Variants in MYH7B observed in about 807,000 individuals in gnomAD.
MYH7B encodes the protein myosin heavy chain 7B.
A neutral mutation model predicts 234.5 loss-of-function variants in MYH7B; 205 were observed. The ratio of observed to expected loss-of-function variants is 0.87; its 90% CI spans 0.78 to 0.98. The LOEUF is 0.98. MYH7B is among the 50% of genes least tolerant of loss of function. MYH7B has a pLI of 0.00. For missense variants in MYH7B, 2,652 were observed against 2,633.4 expected, an observed-to-expected ratio of 1.01 and a Z score of -0.15; for synonymous variants, 1,193 against 1,105.0, an observed-to-expected ratio of 1.08 and a Z score of -1.58.
chr20:34,993,207 C>A lies in MYH7B; in HGVS notation c.2289C>A (p.Tyr763Ter). 1.2e-6 allele frequency: 2 copies of A among 1,613,946 alleles called. No homozygotes were observed. The highest frequency in any genetic ancestry group is 1.7e-4 in the Middle Eastern group (1 of 6,058). Residue 763 changes from tyrosine to a stop codon, truncating the protein, a stop_gained, in exon 25 of 45, where the codon TAC becomes TAA. Coordinates refer to ENST00000262873, the Ensembl canonical transcript of MYH7B. LOFTEE classifies it high-confidence loss of function. ...CGCTGGACTTGGATCACACCCAGTACCAGTTTGGCCACACCAAGGTCGGGG... is the reference window on the plus strand; with the variant it reads ...CGCTGGACTTGGATCACACCCAGTAACAGTTTGGCCACACCAAGGTCGGGG...
At chr20:34,965,092 G>C (rs897242257) in intron 2 of MYH7B, among the ~76,000 whole-genome samples, 1 of 152,152 alleles carries the variant, frequency 6.6e-6, no homozygotes, top group South Asian at 2.1e-4. Flanking sequence ...GAGTCTCACT[G>C]TGTTGTCTAG....
At position 34,993,442 on chromosome 20, in the gene MYH7B, C is replaced by T. The variant is rs554839634; in HGVS notation, c.2416C>T (p.Leu806Phe). 3.7e-6 allele frequency: 6 copies of T among 1,609,468 alleles called. No homozygotes were observed. In the South Asian group the frequency reaches 4.4e-5, roughly 12 times the overall value. Residue 806 changes from leucine to phenylalanine, a missense_variant, in exon 26 of 45, where the codon CTT becomes TTT. This residue lies in a region of MYH7B where 2,279 missense variants were observed against 2,211.4 expected (regional missense o/e 1.03). Transcript: ENST00000262873. Reference sequence around the variant, plus strand: ...GCGGAGCCGTGGCCGCCTCATGCGCCTTGAGTACCAGCGCCTGCTGGGAGG... The same window carrying T: ...GCGGAGCCGTGGCCGCCTCATGCGCTTTGAGTACCAGCGCCTGCTGGGAGG...
chr20:35,000,448 C>T, exon 39 of MYH7B: 2 of 1,601,978 alleles, frequency 1.2e-6, no homozygotes, highest in Non-Finnish European at 1.7e-6. Flanking sequence ...GCCACAGAGG[C>T]CCAGGCTGCC....
chr20:34,996,260 G>A lies in MYH7B; in HGVS notation c.2944-86G>A, dbSNP rs2082254015. 6.2e-6 allele frequency: 9 copies of A among 1,444,262 alleles called. No individual in the cohort carries two copies. In the South Asian group the frequency reaches 1.0e-4, roughly 16 times the overall value. The allele number at this position is 1,444,262 out of a possible 1,614,324, so 89.5% of individuals were successfully genotyped here. On this transcript the variant is annotated intron_variant, in intron 28 of 44. Transcript: ENST00000262873. ...CTTGCCTGAGTCCCATAGCTGGAAG[G>A]GGCACTTGCTCTGACCTGGTGTGGT...
Position 34,984,933 on chromosome 20 carries a change from A to T in MYH7B, c.728A>T (p.Asn243Ile), listed in dbSNP as rs377235475. The T allele has an allele frequency of 1.4e-5, 22 of 1,613,460 alleles. No homozygotes were observed. The African/African-American group carries it at 2.8e-4, about 21-fold the overall frequency. Residue 243 changes from asparagine to isoleucine, a missense_variant, in exon 12 of 45, where the codon AAC becomes ATC. Physicochemically the swap from Asn to Ile is moderately radical, Grantham distance 149 (BLOSUM62 -3). Transcript: ENST00000262873. The stretch of plus-strand genomic sequence containing the variant: ...AACGCCAAGACCCTGAGGAATGATA[A>T]CTCCTCCCGCTTTGTGAGTGGCTGA...
exon 39 of MYH7B, chr20:35,000,442 C>T: frequency 6.2e-7 from 1 of 1,601,922 alleles, no homozygotes; most frequent in East Asian, 2.2e-5. Context: ...CGTCAGGCCA[C>T]AGAGGCCCAG....
intron 35 of MYH7B, 21 bp downstream of exon 35, chr20:34,998,936 G>A (rs1343340193): frequency 6.2e-7 from 1 of 1,606,606 alleles, no homozygotes; most frequent in Non-Finnish European, 8.5e-7. Flanking sequence ...TGCTGGCCAG[G>A]CCACTGCCAT....
At chr20:34,968,685 A>C (rs932517991) in intron 2 of MYH7B, among the ~76,000 whole-genome samples, 1 of 152,200 alleles carries the variant, frequency 6.6e-6, no homozygotes, top group East Asian at 1.9e-4. Context: ...CTGGGGGTAC[A>C]TCTTCTACCC....
intron 32 of MYH7B, among the ~76,000 whole-genome samples, chr20:34,997,932 CT>C (rs2082294722): frequency 6.6e-6 from 1 of 152,184 alleles, no homozygotes; most frequent in South Asian, 2.1e-4. Flanking sequence ...TGAACTCTGA[CT>C]TAATACCTGT....
rs1391608790 is a variant in MYH7B, at chr20:35,001,418, C to T, written c.5581-13C>T. The T allele has an allele frequency of 6.3e-7, 1 of 1,595,446 alleles. No individual in the cohort carries two copies. Among genetic ancestry groups the T allele is most frequent in the South Asian group, 1.1e-5 (1 of 88,742 alleles). On this transcript the variant is annotated splice_polypyrimidine_tract_variant and intron_variant, in intron 42 of 44. Transcript: ENST00000262873. ...CAGCCCAAGCAAGCCCTGAGTCCCC[C>T]TTGCCCGCCCAGGCCGAGGAGGACA... is the stretch of plus-strand genomic sequence containing the variant.
exon 35 of MYH7B, chr20:34,998,776 C>T (rs1444587955): frequency 4.3e-6 from 7 of 1,612,928 alleles, no homozygotes; most frequent in East Asian, 2.2e-5. Flanking sequence ...TGACCTCCTG[C>T]GGGAGCAACA....
rs367589646 is a variant in MYH7B, at chr20:34,995,471, C to T, written c.2836C>T (p.Arg946Cys). ...GGAGGTGAACGCTGACCTGGCCGCC[C>T]GCCGGCGCAAGCTGGAGGACGAGTG... Residue 946 changes from arginine (R) to cysteine (C), a missense_variant, in exon 28 of 45, where the codon CGC becomes TGC. Coordinates refer to ENST00000262873, the Ensembl canonical transcript of MYH7B. The T allele has an allele frequency of 3.2e-5, 52 of 1,613,904 alleles. No homozygotes were observed. The highest frequency in any genetic ancestry group is 4.0e-5 in the Non-Finnish European group (47 of 1,179,976).
At chr20:34,980,218 G>GGCCTGGT in intron 7 of MYH7B, 1 of 325,268 alleles carries the variant, frequency 3.1e-6, no homozygotes, top group Non-Finnish European at 5.8e-6. Flanking sequence ...TGGGGCCTGG[G>GGCCTGGT]GCCTGGGGAT....
At chr20:35,001,382 T>C (rs999910055) in intron 42 of MYH7B, 33 bp downstream of exon 42, 1 of 1,596,502 alleles carries the variant, frequency 6.3e-7, no homozygotes, top group Non-Finnish European at 8.5e-7. Context: ...GGAGTGGCCC[T>C]GGAGCTGGCC....
At position 34,999,879 on chromosome 20, in the gene MYH7B, A is replaced by G. The variant is rs376984354; in HGVS notation, c.4754A>G (p.Glu1585Gly). Residue 1585 changes from glutamate (E) to glycine (G), a missense_variant, in exon 38 of 45, where the codon GAG (glutamate) becomes GGG (glycine). Coordinates refer to ENST00000262873, the Ensembl canonical transcript of MYH7B. Reference sequence around the variant, plus strand: ...GCAGAAGTGGACCGGAAGCTGGCAGAGAAAGACGAGGAGTGCGCTAACCTG... The same window carrying G: ...GCAGAAGTGGACCGGAAGCTGGCAGGGAAAGACGAGGAGTGCGCTAACCTG... The G allele has an allele frequency of 3.7e-6, 6 of 1,613,660 alleles. No individual in the cohort carries two copies. In the African/African-American group the frequency reaches 8.0e-5, roughly 22 times the overall value.
intron 24 of MYH7B, 125 bp from the exon 25 acceptor site, chr20:34,992,977 G>A (rs1358939067): frequency 2.1e-5 from 26 of 1,238,648 alleles, no homozygotes; most frequent in South Asian, 1.6e-4. Context: ...CACCAGCCTC[G>A]GAGAGGCCCA....
chr20:34,958,098 G>T (rs913080227), exon 2 of MYH7B, among the ~76,000 whole-genome samples: 2 of 152,212 alleles, frequency 1.3e-5, no homozygotes, highest in East Asian at 1.9e-4. Flanking sequence ...CTCTGTGCAG[G>T]TTCCCCTCTT....
chr20:34,986,921 C>T (rs2082035907), exon 15 of MYH7B: 1 of 1,613,988 alleles, frequency 6.2e-7, no homozygotes. Flanking sequence ...CTATGACTAC[C>T]ACTTCTGCAG....
At chr20:34,988,399 T>A in intron 19 of MYH7B, 137 bp downstream of exon 19, 1 of 989,188 alleles carries the variant, frequency 1.0e-6, no homozygotes, top group Non-Finnish European at 1.5e-6. Flanking sequence ...TAAGCATGCA[T>A]GTGAGTGTAG....
Sources: allele counts gnomAD v4.1 joint callset (sites outside exome capture counted in the v4.1 genomes callset), GRCh38; gene constraint gnomAD v4.1.1; regional missense constraint gnomAD v4.1.1; transcripts MANE v1.5; gene names NCBI Gene and HGNC (gene_info 2026-07-23, HGNC 2026-07-21).